The following RPGRIP1L variants were observed in gnomAD, a reference collection of about 807,000 sequenced individuals.
RPGRIP1L encodes protein fantom.
RPGRIP1L carries 131 observed loss-of-function variants against 160.4 expected under a neutral mutation model. The observed-to-expected ratio is 0.82, with a 90% CI of 0.71 to 0.94. The LOEUF is 0.94. Ranked by LOEUF, RPGRIP1L falls within the 40% of genes least tolerant of loss-of-function variation. The pLI is 0.00. For missense variants in RPGRIP1L, 1,522 were observed against 1,535.8 expected (o/e 0.99, Z 0.15); for synonymous variants, 510 against 515.8 (o/e 0.99, Z 0.15).
chr16:53,601,941 A>G lies in RPGRIP1L; in HGVS notation c.*135T>C. On this transcript the variant is annotated 3_prime_UTR_variant, in exon 27 of 27. Transcript: ENST00000647211. ...AAAGTATACAAAACTTCAACACTTC[A>G]AACCCAGGTCTCCCCGCTCCCAGCT... 1.5e-6 allele frequency: 1 copy of G among 688,002 alleles called. No homozygotes were observed. The allele number at this position is 688,002 out of a possible 1,614,324, so 42.6% of individuals were successfully genotyped here.
rs745929993 is a variant in RPGRIP1L at position 53,657,493 on chromosome 16, TTTC to T, written c.1538_1540del (p.Arg513del). The stretch of plus-strand genomic sequence containing the variant: ...AATTTTGTGTTGCATAATTAGCATG[TTTC>T]TTGTCTTTTCCAGCTCTTGCACCGT... On this transcript the variant is annotated inframe_deletion, in exon 13 of 27. Transcript: ENST00000647211. 6.2e-7 allele frequency: 1 copy of T among 1,613,176 alleles called. No individual in the cohort carries two copies. The highest frequency in any genetic ancestry group is 8.5e-7 in the Non-Finnish European group (1 of 1,179,482).
chr16:53,649,899 A>G (rs1966830018), intron 15 of RPGRIP1L, among the ~76,000 whole-genome samples: 1 of 152,176 alleles, frequency 6.6e-6, no homozygotes, highest in African/African-American at 2.4e-5. Flanking sequence ...CTCCTACTAC[A>G]GGGACTAGTA....
At chr16:53,674,050 T>C (rs546001826) in intron 7 of RPGRIP1L, among the ~76,000 whole-genome samples, 1 of 152,294 alleles carries the variant, frequency 6.6e-6, no homozygotes, top group East Asian at 1.9e-4. Flanking sequence ...TAAAATTTCC[T>C]TCTTCTAACA....
chr16:53,665,022 C>A lies in RPGRIP1L; in HGVS notation c.1104-13G>T, dbSNP rs775179294. The A allele has an allele frequency of 1.9e-6, 3 of 1,613,216 alleles. No homozygotes were observed. Among genetic ancestry groups the A allele is most frequent in the South Asian group, 1.1e-5 (1 of 91,062 alleles). On this transcript the variant is annotated splice_polypyrimidine_tract_variant and intron_variant, in intron 9 of 26. Transcript: ENST00000647211. ...AGCACTGAAGGCACTGCAAAACACA[C>A]GTGACATGCAAGGAAAGCTTGGAAA...
At chr16:53,671,482 T>C in intron 9 of RPGRIP1L, 28 bp downstream of exon 9, 1 of 1,422,558 alleles carries the variant, frequency 7.0e-7, no homozygotes, top group Non-Finnish European at 9.9e-7. Flanking sequence ...AACAAGACAA[T>C]GAAAGAACAC....
chr16:53,618,901 T>C (rs1964541382), intron 24 of RPGRIP1L, 124 bp downstream of exon 24: 1 of 871,962 alleles, frequency 1.1e-6, no homozygotes, highest in Non-Finnish European at 1.8e-6. Context: ...TAATCAATTC[T>C]GACAAGACTT....
chr16:53,652,491 C>A (rs767074555), intron 15 of RPGRIP1L, 44 bp downstream of exon 15: 3 of 1,482,924 alleles, frequency 2.0e-6, no homozygotes, highest in Admixed American at 3.4e-5. Flanking sequence ...ATATATAAAC[C>A]AAATTAGTAA....
intron 22 of RPGRIP1L, chr16:53,628,599 T>C (rs1049731471): frequency 6.6e-6 from 1 of 152,218 alleles, no homozygotes; most frequent in Admixed American, 6.5e-5. Flanking sequence ...CTGTTGATTA[T>C]TTAAAATAAT....
At chr16:53,688,906 CTG>C (rs1233347239) in intron 4 of RPGRIP1L, among the ~76,000 whole-genome samples, 1 of 151,924 alleles carries the variant, frequency 6.6e-6, no homozygotes, top group Non-Finnish European at 1.5e-5. Flanking sequence ...AAATAGTTTA[CTG>C]TGTTAGAATT....
Position 53,696,244 on chromosome 16 carries a change from C to CT in RPGRIP1L, c.136dup (p.Ser46LysfsTer3). 1.2e-6 allele frequency: 2 copies of CT among 1,614,008 alleles called. No homozygotes were observed. Among genetic ancestry groups the CT allele is most frequent in the Non-Finnish European group, 1.7e-6 (2 of 1,179,948 alleles). On this transcript the variant is annotated frameshift_variant, in exon 3 of 27. Coordinates refer to ENST00000647211, the MANE Select transcript of RPGRIP1L (RefSeq NM_015272.5). LOFTEE classifies it high-confidence loss of function. ...AAATCTGTCTTCCAGTTCCTCACGA[C>CT]TGACACGTGACACTGCCTGGCGAGA...
chr16:53,649,450 T>G (rs1966798400), intron 15 of RPGRIP1L, among the ~76,000 whole-genome samples: 1 of 152,208 alleles, frequency 6.6e-6, no homozygotes, highest in African/African-American at 2.4e-5. Context: ...GATGCTATAG[T>G]ATAATACTTT....
At chr16:53,627,152 T>C (rs1965240955) in intron 22 of RPGRIP1L, among the ~76,000 whole-genome samples, 1 of 152,210 alleles carries the variant, frequency 6.6e-6, no homozygotes. Flanking sequence ...TTTCAGCCAC[T>C]ACACGCAGCC....
At chr16:53,622,447 C>G in intron 22 of RPGRIP1L, 91 bp from the exon 23 acceptor site, 1 of 541,936 alleles carries the variant, frequency 1.8e-6, no homozygotes, top group Non-Finnish European at 3.3e-6. Context: ...GAAATGAACT[C>G]ATTCCCTCTC....
At chr16:53,690,488 G>A (rs957462961) in intron 4 of RPGRIP1L, among the ~76,000 whole-genome samples, 6 of 152,078 alleles carry the variant, frequency 3.9e-5, no homozygotes, top group East Asian at 1.9e-4. Flanking sequence ...GAGTCACTGC[G>A]CCCAGCCTAG....
At chr16:53,611,951 T>G (rs1261125251) in intron 24 of RPGRIP1L, among the ~76,000 whole-genome samples, 3 of 152,236 alleles carry the variant, frequency 2.0e-5, no homozygotes, top group African/African-American at 7.2e-5. Flanking sequence ...GGGTGAAAGA[T>G]ATCACGATAG....
intron 16 of RPGRIP1L, among the ~76,000 whole-genome samples, chr16:53,647,575 G>T (rs1477810746): frequency 6.6e-6 from 1 of 152,190 alleles, no homozygotes; most frequent in African/African-American, 2.4e-5. Context: ...CTCAACTGGG[G>T]TCAAGTGGGT....
rs1447293776 is a variant in RPGRIP1L at position 53,601,362 on chromosome 16, T to C, written c.*714A>G. 2 of 152,490 alleles carry C rather than the reference T, an allele frequency of 1.3e-5. No individual in the cohort carries two copies. Among genetic ancestry groups the C allele is most frequent in the East Asian group, 1.9e-4 (1 of 5,210 alleles). The allele number at this position is 152,490 out of a possible 1,614,324, so 9.4% of individuals were successfully genotyped here. On this transcript the variant is annotated 3_prime_UTR_variant, in exon 27 of 27. Transcript: ENST00000647211. ...TAACTATCTCCTTTTTATATATACA[T>C]CCCTGGGTCACCATTACAAATGTAT...
chr16:53,634,109 T>A (rs1398261136), intron 22 of RPGRIP1L, among the ~76,000 whole-genome samples: 4 of 152,168 alleles, frequency 2.6e-5, no homozygotes, highest in African/African-American at 9.7e-5. Flanking sequence ...GTTTCCAAGA[T>A]GGTGCCTTGT....
rs1392008694 is a variant in RPGRIP1L at position 53,645,752 on chromosome 16, C to T, written c.2556G>A (p.Leu852=). 2 of 1,614,098 alleles carry T rather than the reference C, an allele frequency of 1.2e-6. No individual in the cohort carries two copies. The highest frequency in any genetic ancestry group is 1.7e-6 in the Non-Finnish European group (2 of 1,179,992). The change falls in exon 17 of 27, where the codon TTG becomes TTA. Residue 852 remains leucine, a synonymous_variant. Transcript: ENST00000647211. ...MYFPVPMNMD[L]DRYLKSESLS... ...GAGACTCTGACTTAAGGTATCGATCCAAGTCCATATTCATTGGCACTGGGA... is the reference window on the plus strand; with the variant it reads ...GAGACTCTGACTTAAGGTATCGATCTAAGTCCATATTCATTGGCACTGGGA...
Sources: allele counts gnomAD v4.1 joint callset (sites outside exome capture counted in the v4.1 genomes callset), GRCh38; gene constraint gnomAD v4.1.1; transcripts MANE v1.5; gene names NCBI Gene and HGNC (gene_info 2026-07-23, HGNC 2026-07-21).